The following DIP2C variants were observed in gnomAD, a reference collection of about 807,000 sequenced individuals.
The protein encoded by DIP2C is DIP2 acetate--CoA ligase C (putative).
Under a neutral mutation model 192.4 loss-of-function variants are expected in DIP2C, and 33 were observed. That is an observed-to-expected ratio of 0.17 (90% CI 0.13 to 0.23). DIP2C has a LOEUF of 0.23. Ranked by LOEUF, DIP2C falls within the 10% of genes least tolerant of loss-of-function variation. The pLI, the probability that DIP2C is intolerant of heterozygous loss-of-function variation, is 1.00. For missense variants in DIP2C, 1,537 were observed against 2,110.1 expected (o/e 0.73, Z 5.32); for synonymous variants, 979 against 864.1 (o/e 1.13, Z -2.33).
At chr10:639,283 G>T (rs867587871) in intron 1 of DIP2C, among the ~76,000 whole-genome samples, 35 of 145,840 alleles carry the variant, frequency 2.4e-4, no homozygotes, top group Admixed American at 4.1e-4. Context: ...TCCACACGTG[G>T]GGACGCGTCA....
chr10:689,485 C>T lies in DIP2C; in HGVS notation c.85+9G>A. On this transcript the variant is annotated intron_variant, in intron 1 of 36. Transcript: ENST00000280886. This position sits in a 1 kb window ranked among gnomAD's most constrained non-coding sequence, Gnocchi z 6.1. Reference sequence around the variant, plus strand: ...AGCGCGGCCCGGCCCGGGGCGGGGGCCCGGTTACCTTCCGACAGCTCCAGC... The same window carrying T: ...AGCGCGGCCCGGCCCGGGGCGGGGGTCCGGTTACCTTCCGACAGCTCCAGC... 16 of 1,218,244 alleles carry T rather than the reference C, an allele frequency of 1.3e-5. No homozygotes were observed. Among genetic ancestry groups the T allele is most frequent in the Non-Finnish European group, 1.7e-5 (16 of 962,234 alleles). 75.5% of individuals were successfully genotyped at this position (1,218,244 alleles called of 1,614,324 possible). A position where few individuals can be genotyped will look rare whatever the true frequency, so the allele number is the denominator to read the frequency against.
intron 3 of DIP2C, among the ~76,000 whole-genome samples, chr10:454,002 C>G (rs573673297): frequency 1.3e-5 from 2 of 152,342 alleles, no homozygotes; most frequent in East Asian, 3.9e-4. Context: ...TTCACAAACA[C>G]AACTCAACAG....
intron 1 of DIP2C, among the ~76,000 whole-genome samples, chr10:595,993 C>T (rs889186397): frequency 3.9e-5 from 6 of 152,214 alleles, no homozygotes; most frequent in East Asian, 1.9e-4. Flanking sequence ...GGAAAACAGA[C>T]GTAAATAAGC....
Position 584,543 on chromosome 10 carries a change from G to A in DIP2C, c.86-98013C>T, listed in dbSNP as rs368517181. Among the ~76,000 whole-genome samples, 16 of 109,414 alleles carry A rather than the reference G, an allele frequency of 1.5e-4. No individual in the cohort carries two copies. In the East Asian group the frequency reaches 3.7e-3, roughly 25 times the overall value. 71.8% of individuals were successfully genotyped at this position (109,414 alleles called of 152,430 possible). A position where few individuals can be genotyped will look rare whatever the true frequency, so the allele number is the denominator to read the frequency against. On this transcript the variant is annotated intron_variant, in intron 1 of 36. Transcript: ENST00000280886. The stretch of plus-strand genomic sequence containing the variant: ...GGCCCGCGACCTGGCCCCCACTCAC[G>A]GGCACCACCTCTCTAGTCTCGGGGC...
In DIP2C at chr10:424,991, TGATACAGCATGACCAGCGGTGACTAATAC is replaced by T. The variant is rs1245046058; in HGVS notation, c.395-1987_395-1959del. Among the ~76,000 whole-genome samples, 7 of 142,846 alleles carry T rather than the reference TGATACAGCATGACCAGCGGTGACTAATAC, an allele frequency of 4.9e-5. No homozygotes were observed. The East Asian group carries it at 6.5e-4, about 13-fold the overall frequency. 93.7% of individuals were successfully genotyped at this position (142,846 alleles called of 152,430 possible). ...CCAGCAGTGACTAATACGACACGGA[TGATACAGCATGACCAGCGGTGACTAATAC>T]GACACGGATGATACAGCATGACCAG... On this transcript the variant is annotated intron_variant, in intron 4 of 36. Coordinates refer to ENST00000280886, the MANE Select transcript of DIP2C (RefSeq NM_014974.3).
chr10:291,917 G>T (rs533314251), intron 32 of DIP2C, among the ~76,000 whole-genome samples: 1 of 152,366 alleles, frequency 6.6e-6, no homozygotes, highest in East Asian at 1.9e-4. Context: ...CCAGAGGGGA[G>T]CAGGAGGACT....
At chr10:292,211 C>T (rs1045948804) in intron 32 of DIP2C, among the ~76,000 whole-genome samples, 1 of 152,238 alleles carries the variant, frequency 6.6e-6, no homozygotes, top group African/African-American at 2.4e-5. Context: ...TGCATTACTG[C>T]TGCCCAAATC....
At chr10:671,907 A>C (rs1212780728) in intron 1 of DIP2C, among the ~76,000 whole-genome samples, 7 of 105,354 alleles carry the variant, frequency 6.6e-5, no homozygotes, top group East Asian at 3.2e-4. Flanking sequence ...ACGGAGGAAA[A>C]GCCACAGACG....
At chr10:688,861 C>T (rs142409006) in intron 1 of DIP2C, among the ~76,000 whole-genome samples, 4 of 152,372 alleles carry the variant, frequency 2.6e-5, no homozygotes, top group Non-Finnish European at 5.9e-5. Flanking sequence ...TTCCGCCCAG[C>T]CCTCCCCGCG....
chr10:539,822 C>T (rs959043699), intron 1 of DIP2C, among the ~76,000 whole-genome samples: 2 of 152,118 alleles, frequency 1.3e-5, no homozygotes, highest in Non-Finnish European at 2.9e-5. Flanking sequence ...TAACAGTTTT[C>T]AAAAACAGCT....
intron 1 of DIP2C, among the ~76,000 whole-genome samples, chr10:522,142 T>G (rs1006557943): frequency 2.0e-5 from 3 of 152,130 alleles, no homozygotes; most frequent in Non-Finnish European, 2.9e-5. Flanking sequence ...TCTCTGCAGT[T>G]GTGCCTTTTC....
At chr10:532,157 T>C (rs1038059008) in intron 1 of DIP2C, among the ~76,000 whole-genome samples, 4 of 152,086 alleles carry the variant, frequency 2.6e-5, no homozygotes, top group African/African-American at 7.2e-5. Flanking sequence ...CAGAAGCTTC[T>C]AGAGTAAGAG....
intron 23 of DIP2C, 60 bp downstream of exon 23, chr10:357,768 G>A: frequency 7.6e-7 from 1 of 1,319,092 alleles, no homozygotes; most frequent in Non-Finnish European, 1.1e-6. Context: ...GGTCGCAGAT[G>A]GTCGGGGACA....
At chr10:387,591 CA>C in intron 14 of DIP2C, among the ~76,000 whole-genome samples, 153 bp downstream of exon 14, 1 of 104,636 alleles carries the variant, frequency 9.6e-6, no homozygotes, top group African/African-American at 3.8e-5. Context: ...TGTGGACAGG[CA>C]GGGTGGGAGG....
intron 32 of DIP2C, among the ~76,000 whole-genome samples, chr10:305,779 G>A (rs993303994): frequency 2.0e-5 from 3 of 152,006 alleles, no homozygotes; most frequent in Non-Finnish European, 2.9e-5. Context: ...TAAGTAGCTA[G>A]GACTATAGGC....
intron 1 of DIP2C, among the ~76,000 whole-genome samples, chr10:657,116 T>G (rs1856393589): frequency 1.3e-5 from 2 of 150,808 alleles, no homozygotes; most frequent in African/African-American, 4.9e-5. Flanking sequence ...CCCCCGGACC[T>G]GCCGCTGGAC....
In DIP2C at chr10:394,767, T is replaced by C. The variant is rs562839056; in HGVS notation, c.1261-3904A>G. On this transcript the variant is annotated intron_variant, in intron 10 of 36. Transcript: ENST00000280886. ...GGGAGGAGGGAAGCCTGCCACATGC[T>C]GAACAGGAAGGACGCTAGGCCACAC... is the stretch of plus-strand genomic sequence containing the variant. 6.8e-5 allele frequency among the ~76,000 whole-genome samples: 10 copies of C among 146,082 alleles called. No individual in the cohort carries two copies. The South Asian group carries it at 2.2e-3, about 32-fold the overall frequency.
chr10:579,255 G>C (rs186687046), intron 1 of DIP2C, among the ~76,000 whole-genome samples: 1 of 151,028 alleles, frequency 6.6e-6, no homozygotes, highest in African/African-American at 2.4e-5. Context: ...ACACTAACAT[G>C]TGTACATGCA....
chr10:406,791 A>C (rs577448312), intron 9 of DIP2C, among the ~76,000 whole-genome samples: 1 of 152,066 alleles, frequency 6.6e-6, no homozygotes, highest in East Asian at 1.9e-4. Flanking sequence ...ATCTCCCCAG[A>C]TTGCTCCTGG....
Sources: gnomAD v4.1 joint callset for allele counts (sites outside exome capture counted in the v4.1 genomes callset) on GRCh38, gnomAD v4.1.1 for gene constraint, Gnocchi (gnomAD v3.1) non-coding constraint, MANE v1.5 for transcripts, NCBI Gene and HGNC (gene_info 2026-07-23, HGNC 2026-07-21) for gene names.